The following SEL1L variants were observed in gnomAD, a reference collection of about 807,000 sequenced individuals.
SEL1L encodes protein sel-1 homolog 1.
SEL1L carries 52 observed loss-of-function variants against 109.8 expected under a neutral mutation model. The ratio of observed to expected loss-of-function variants is 0.47; its 90% CI spans 0.38 to 0.60. The LOEUF (loss-of-function observed/expected upper bound fraction) is 0.60. Among genes scored for constraint, SEL1L ranks in the 20% least tolerant of loss-of-function variants. The probability of loss-of-function intolerance (pLI) is 0.00; values close to 1 mark genes in which losing one functional copy is unlikely to be tolerated. For synonymous variants in SEL1L, 373 were observed against 339.6 expected (o/e 1.10, Z -1.08); for missense variants, 749 against 962.2 (o/e 0.78, Z 2.93).
intron 3 of SEL1L, among the ~76,000 whole-genome samples, chr14:81,522,862 T>C (rs1283007456): frequency 1.3e-5 from 2 of 152,200 alleles, no homozygotes; most frequent in Non-Finnish European, 2.9e-5. Context: ...ATAGTTACGC[T>C]ACATTGTTCA....
intron 6 of SEL1L, among the ~76,000 whole-genome samples, chr14:81,500,137 T>C (rs971371789): frequency 6.6e-6 from 1 of 151,860 alleles, no homozygotes; most frequent in Non-Finnish European, 1.5e-5. Flanking sequence ...TCTTGAACTA[T>C]TGACCTCAAG....
intron 3 of SEL1L, among the ~76,000 whole-genome samples, chr14:81,507,164 C>A (rs1884273616): frequency 6.6e-6 from 1 of 152,174 alleles, no homozygotes; most frequent in South Asian, 2.1e-4. Context: ...GAAGACCTTA[C>A]ATGTCTTAAG....
intron 19 of SEL1L, among the ~76,000 whole-genome samples, chr14:81,480,691 C>A (rs1359098377): frequency 1.3e-5 from 2 of 152,230 alleles, no homozygotes; most frequent in East Asian, 3.9e-4. Flanking sequence ...GAACTCTAGC[C>A]TGGGTGACAG....
chr14:81,488,074 C>T lies in SEL1L; in HGVS notation c.1396-132G>A. 6 of 625,232 alleles carry T rather than the reference C, an allele frequency of 9.6e-6. No homozygotes were observed. In the South Asian group the frequency reaches 1.3e-4, roughly 13 times the overall value. 38.7% of individuals were successfully genotyped at this position (625,232 alleles called of 1,614,324 possible). Reference sequence around the variant, plus strand: ...AAAGAGCCATTAAAAAGACCACTTTCTAATTCTTATAATAGATAATAATAT... The same window carrying T: ...AAAGAGCCATTAAAAAGACCACTTTTTAATTCTTATAATAGATAATAATAT... On this transcript the variant is annotated intron_variant, in intron 14 of 20. Coordinates refer to ENST00000336735, the MANE Select transcript of SEL1L (RefSeq NM_005065.6).
chr14:81,501,531 C>G (rs765288349), intron 6 of SEL1L, among the ~76,000 whole-genome samples: 2 of 151,738 alleles, frequency 1.3e-5, no homozygotes, highest in Non-Finnish European at 2.9e-5. Flanking sequence ...AATAAAATAC[C>G]GAGGAAAGAG....
chr14:81,480,667 G>A (rs1903324547), intron 19 of SEL1L, among the ~76,000 whole-genome samples: 1 of 152,134 alleles, frequency 6.6e-6, no homozygotes, highest in South Asian at 2.1e-4. Flanking sequence ...GCAGTGAGCT[G>A]AGATGGTGCC....
At position 81,497,968 on chromosome 14, in the gene SEL1L, A is replaced by C; in HGVS notation, c.1052T>G (p.Met351Arg). 1 of 1,614,034 alleles carries C rather than the reference A, an allele frequency of 6.2e-7. No individual in the cohort carries two copies. The highest frequency in any genetic ancestry group is 8.5e-7 in the Non-Finnish European group (1 of 1,179,966). ...ATCTTCTTCTAGCATTCCACTGTTC[A>C]TTCCTGGATTTTCCACTTCATCAGG... ...RLPDEVENPG[M>R]NSGMLEEDLI... Residue 351 changes from methionine to arginine, a missense_variant, in exon 10 of 21, where the codon ATG (methionine) becomes AGG (arginine). Physicochemically the swap from Met to Arg is moderately conservative, Grantham distance 91. This residue lies in a region of SEL1L where 383 missense variants were observed against 562.5 expected (regional missense o/e 0.68). Coordinates refer to ENST00000336735, the MANE Select transcript of SEL1L (RefSeq NM_005065.6).
At chr14:81,494,658 T>C (rs567850242) in intron 11 of SEL1L, among the ~76,000 whole-genome samples, 3 of 152,304 alleles carry the variant, frequency 2.0e-5, no homozygotes, top group African/African-American at 7.2e-5. Flanking sequence ...ATCTCCAGGG[T>C]CAACTTAAAT....
Position 81,518,703 on chromosome 14 carries a change from A to AG in SEL1L, c.340+8029_340+8030insC, listed in dbSNP as rs144820243. Among the ~76,000 whole-genome samples, 358 of 151,158 alleles carry AG rather than the reference A, an allele frequency of 2.4e-3. 7 individuals are homozygous for AG. Among genetic ancestry groups the AG allele is most frequent in the African/African-American group, 8.3e-3 (338 of 40,598 alleles). The stretch of plus-strand genomic sequence containing the variant: ...AAAGGTAAAAAGATTAGAAAGGTTA[A>AG]AACTTAGGGAGGAAGCCTATTGTTT... On this transcript the variant is annotated intron_variant, in intron 3 of 20. Coordinates refer to ENST00000336735, the MANE Select transcript of SEL1L (RefSeq NM_005065.6).
chr14:81,514,758 T>C (rs1321504385), intron 3 of SEL1L, among the ~76,000 whole-genome samples: 1 of 152,160 alleles, frequency 6.6e-6, no homozygotes, highest in Non-Finnish European at 1.5e-5. Context: ...AGGCTCACCC[T>C]TGAAATGCAT....
chr14:81,499,427 ATAT>A, intron 8 of SEL1L, 29 bp downstream of exon 8: 1 of 1,595,576 alleles, frequency 6.3e-7, no homozygotes, highest in Non-Finnish European at 8.5e-7. Context: ...TCTGATGTTA[ATAT>A]TATTAGCCTT....
intron 6 of SEL1L, among the ~76,000 whole-genome samples, chr14:81,499,903 C>CTT (rs67769195): frequency 1.5e-3 from 177 of 119,176 alleles, no homozygotes; most frequent in African/African-American, 1.8e-3. Flanking sequence ...TTATTTGTGG[C>CTT]TTTTTTTTTT....
chr14:81,496,346 A>C (rs55713095), intron 10 of SEL1L, among the ~76,000 whole-genome samples: 2,721 of 149,544 alleles, frequency 0.018, 32 homozygotes, highest in Middle Eastern at 0.021. Flanking sequence ...AAAACAAAAA[A>C]AAAACTGAAT....
intron 10 of SEL1L, among the ~76,000 whole-genome samples, chr14:81,495,435 A>G (rs1416553810): frequency 6.6e-6 from 1 of 152,146 alleles, no homozygotes. Context: ...CAGGAGTTGA[A>G]GAACAACTTG....
intron 3 of SEL1L, among the ~76,000 whole-genome samples, chr14:81,510,822 G>A (rs908888303): frequency 1.3e-5 from 2 of 152,008 alleles, no homozygotes; most frequent in Non-Finnish European, 2.9e-5. Context: ...ATTATTTAAT[G>A]TTAAAAAGCT....
At chr14:81,484,568 T>C (rs1903461420) in intron 18 of SEL1L, 171 bp from the exon 19 acceptor site, 1 of 605,508 alleles carries the variant, frequency 1.7e-6, no homozygotes, top group Non-Finnish European at 2.7e-6. Context: ...AGTAAAAATT[T>C]AAACTAGAAG....
intron 3 of SEL1L, among the ~76,000 whole-genome samples, chr14:81,522,903 C>T (rs1884976425): frequency 6.6e-6 from 1 of 152,094 alleles, no homozygotes; most frequent in Admixed American, 6.5e-5. Context: ...AAAGTGTGGA[C>T]ATGTTCAGTA....
intron 1 of SEL1L, among the ~76,000 whole-genome samples, chr14:81,530,218 T>C (rs1885270683): frequency 6.6e-6 from 1 of 152,210 alleles, no homozygotes; most frequent in African/African-American, 2.4e-5. Context: ...ACAGACCAGA[T>C]ATCCTGTTCT....
chr14:81,482,843 T>C (rs1033761670), intron 19 of SEL1L, among the ~76,000 whole-genome samples: 8 of 152,170 alleles, frequency 5.3e-5, no homozygotes, highest in Admixed American at 3.3e-4. Context: ...TTTCCCTCAA[T>C]CCTTAGGTCA....
Sources: allele counts gnomAD v4.1 joint callset (sites outside exome capture counted in the v4.1 genomes callset), GRCh38; gene constraint gnomAD v4.1.1; regional missense constraint gnomAD v4.1.1; transcripts MANE v1.5; gene names NCBI Gene and HGNC (gene_info 2026-07-23, HGNC 2026-07-21).